The following UBL3 variants were observed in gnomAD, a reference collection of about 807,000 sequenced individuals.
The protein encoded by UBL3 is ubiquitin like 3.
Under a neutral mutation model 18.4 loss-of-function variants are expected in UBL3, and 6 were observed. The observed-to-expected ratio is 0.33, with a 90% CI of 0.18 to 0.64. The LOEUF is 0.64. Among genes scored for constraint, UBL3 ranks in the 30% least tolerant of loss-of-function variants. The probability of loss-of-function intolerance (pLI) is 0.76; values close to 1 mark genes in which losing one functional copy is unlikely to be tolerated. For missense variants in UBL3, 109 were observed against 142.9 expected, an observed-to-expected ratio of 0.76 and a Z score of 1.21; for synonymous variants, 49 against 46.6, an observed-to-expected ratio of 1.05 and a Z score of -0.21.
chr13:29,822,794 G>A (rs2794297), intron 1 of UBL3, among the ~76,000 whole-genome samples: 1 of 152,054 alleles, frequency 6.6e-6, no homozygotes, highest in Admixed American at 6.5e-5. Context: ...AGAACTAAAG[G>A]TTTTCTTTTG....
chr13:29,829,881 GA>G, intron 1 of UBL3, among the ~76,000 whole-genome samples: 1 of 152,294 alleles, frequency 6.6e-6, no homozygotes, highest in Non-Finnish European at 1.5e-5. Flanking sequence ...AAAATGTTAA[GA>G]ATGGTCAATT....
chr13:29,849,642 G>T lies in UBL3; in HGVS notation c.-104C>A. The T allele has an allele frequency of 7.0e-7, 1 of 1,436,802 alleles. No individual in the cohort carries two copies. Among genetic ancestry groups the T allele is most frequent in the Non-Finnish European group, 9.7e-7 (1 of 1,034,634 alleles). The allele number at this position is 1,436,802 out of a possible 1,614,324, so 89.0% of individuals were successfully genotyped here. A position where few individuals can be genotyped will look rare whatever the true frequency, so the allele number is the denominator to read the frequency against. Reference sequence around the variant, plus strand: ...AATAAACCACGATTTTGACTGGTTCGTGATGTGCTTTCTCCCCCAAAAATA... The same window carrying T: ...AATAAACCACGATTTTGACTGGTTCTTGATGTGCTTTCTCCCCCAAAAATA... On this transcript the variant is annotated 5_prime_UTR_variant, in exon 1 of 5. Coordinates refer to ENST00000380680, the MANE Select transcript of UBL3 (RefSeq NM_007106.4).
intron 1 of UBL3, among the ~76,000 whole-genome samples, chr13:29,792,711 GA>G (rs1487081892): frequency 6.6e-6 from 1 of 152,066 alleles, no homozygotes; most frequent in African/African-American, 2.4e-5. Context: ...ATTCTTACTT[GA>G]ATACAATGGT....
chr13:29,834,248 A>G (rs1878863229), intron 1 of UBL3, among the ~76,000 whole-genome samples: 1 of 152,140 alleles, frequency 6.6e-6, no homozygotes, highest in South Asian at 2.1e-4. Flanking sequence ...ATGTAATCAT[A>G]AAAATGATAC....
chr13:29,788,015 G>A (rs1877368759), intron 1 of UBL3, among the ~76,000 whole-genome samples: 1 of 152,112 alleles, frequency 6.6e-6, no homozygotes, highest in Non-Finnish European at 1.5e-5. Context: ...AAGTTTTTTG[G>A]ATAAGACAGC....
intron 2 of UBL3, among the ~76,000 whole-genome samples, chr13:29,775,858 C>G (rs1191419635): frequency 6.6e-6 from 1 of 152,042 alleles, no homozygotes; most frequent in African/African-American, 2.4e-5. Flanking sequence ...CTCAAGTGAT[C>G]TGCCTGTCTC....
chr13:29,766,519 C>G lies in UBL3; in HGVS notation c.*736G>C, dbSNP rs1273049294. ...TTAAGGCTAGGAGACGCACTCTCAC[C>G]CCTTCTTGTGCTGTCTAAACAAACA... is the stretch of plus-strand genomic sequence containing the variant. On this transcript the variant is annotated 3_prime_UTR_variant, in exon 5 of 5. Coordinates refer to ENST00000380680, the MANE Select transcript of UBL3 (RefSeq NM_007106.4). 1 of 152,496 alleles carries G rather than the reference C, an allele frequency of 6.6e-6. No individual in the cohort carries two copies. The highest frequency in any genetic ancestry group is 6.6e-5 in the Admixed American group (1 of 15,260). The allele number at this position is 152,496 out of a possible 1,614,324, so 9.4% of individuals were successfully genotyped here. A position where few individuals can be genotyped will look rare whatever the true frequency, so the allele number is the denominator to read the frequency against.
At chr13:29,782,230 C>T (rs1171147001) in intron 1 of UBL3, among the ~76,000 whole-genome samples, 1 of 151,920 alleles carries the variant, frequency 6.6e-6, no homozygotes, top group Non-Finnish European at 1.5e-5. Context: ...TTTTTTTCCA[C>T]TCACAAGCTT....
chr13:29,823,317 T>C (rs1178487310), intron 1 of UBL3, among the ~76,000 whole-genome samples: 4 of 152,152 alleles, frequency 2.6e-5, no homozygotes, highest in Admixed American at 1.3e-4. Flanking sequence ...TAATTTTGTA[T>C]TTTTAGAAGA....
intron 3 of UBL3, among the ~76,000 whole-genome samples, chr13:29,771,459 C>T (rs995251229): frequency 2.0e-5 from 3 of 151,990 alleles, no homozygotes; most frequent in African/African-American, 7.2e-5. Flanking sequence ...CATTTATGCA[C>T]GTAAGCACTT....
intron 1 of UBL3, among the ~76,000 whole-genome samples, chr13:29,780,699 T>A (rs1159491903): frequency 6.6e-6 from 1 of 152,038 alleles, no homozygotes; most frequent in Admixed American, 6.5e-5. Flanking sequence ...TAACTAAGAC[T>A]ACATTTACCT....
chr13:29,845,291 G>A (rs1473147839), intron 1 of UBL3, among the ~76,000 whole-genome samples: 1 of 151,974 alleles, frequency 6.6e-6, no homozygotes, highest in Non-Finnish European at 1.5e-5. Context: ...TAAAAATTCA[G>A]AGAAACATTC....
chr13:29,849,435 C>T (rs1879312178), intron 1 of UBL3, 77 bp downstream of exon 1: 2 of 1,603,338 alleles, frequency 1.2e-6, no homozygotes, highest in Admixed American at 1.7e-5. Flanking sequence ...AATCTTCGCC[C>T]CACGCCTGCC....
At chr13:29,830,863 T>TA in intron 1 of UBL3, among the ~76,000 whole-genome samples, 1 of 152,214 alleles carries the variant, frequency 6.6e-6, no homozygotes, top group African/African-American at 2.4e-5. Context: ...AAGAATTATA[T>TA]TAAAAACACT....
chr13:29,774,528 A>AAT lies in UBL3; in HGVS notation c.137-2332_137-2331dup, dbSNP rs369470152. Among the ~76,000 whole-genome samples the AAT allele has an allele frequency of 1.8e-3, 275 of 152,282 alleles. 1 individual carries two copies. Among genetic ancestry groups the AAT allele is most frequent in the African/African-American group, 6.4e-3 (264 of 41,568 alleles). On this transcript the variant is annotated intron_variant, in intron 2 of 4. Transcript: ENST00000380680. The stretch of plus-strand genomic sequence containing the variant: ...TCCTGCCTGGCTATAAAGAATAGCC[A>AAT]ATATTCTTAGATCCCAAATATCTTT...
chr13:29,827,300 G>T (rs1878649160), intron 1 of UBL3, among the ~76,000 whole-genome samples: 1 of 152,136 alleles, frequency 6.6e-6, no homozygotes, highest in South Asian at 2.1e-4. Flanking sequence ...GTCTCCCATT[G>T]TTATTGTGTG....
intron 1 of UBL3, among the ~76,000 whole-genome samples, chr13:29,822,922 C>T (rs1375510727): frequency 6.6e-6 from 1 of 152,092 alleles, no homozygotes; most frequent in Admixed American, 6.5e-5. Context: ...TATACACACA[C>T]ACAAACACAA....
At chr13:29,827,264 T>C (rs1878647987) in intron 1 of UBL3, among the ~76,000 whole-genome samples, 1 of 152,240 alleles carries the variant, frequency 6.6e-6, no homozygotes, top group South Asian at 2.1e-4. Context: ...CGTTGATCTG[T>C]CTAATGTTGA....
chr13:29,842,110 C>T (rs1397717901), intron 1 of UBL3, among the ~76,000 whole-genome samples: 3 of 148,750 alleles, frequency 2.0e-5, no homozygotes, highest in Non-Finnish European at 4.4e-5. Flanking sequence ...CCAAACCCTA[C>T]TGAAAACTCC....
Sources: gnomAD v4.1 joint callset for allele counts (sites outside exome capture counted in the v4.1 genomes callset) on GRCh38, gnomAD v4.1.1 for gene constraint, MANE v1.5 for transcripts, NCBI Gene and HGNC (gene_info 2026-07-23, HGNC 2026-07-21) for gene names.